Variants in ANTXR1 observed in about 807,000 individuals in gnomAD.
The protein encoded by ANTXR1 is ANTXR cell adhesion molecule 1.
In ANTXR1, 19 loss-of-function variants were observed where a neutral mutation model predicts 78.1. That is an observed-to-expected ratio of 0.24 (90% CI 0.17 to 0.36). ANTXR1 has a LOEUF of 0.36. Ranked by LOEUF, ANTXR1 falls within the 10% of genes least tolerant of loss-of-function variation. The probability of loss-of-function intolerance (pLI) is 1.00; values close to 1 mark genes in which losing one functional copy is unlikely to be tolerated. For missense variants in ANTXR1, 518 were observed against 718.6 expected (o/e 0.72, Z 3.19); for synonymous variants, 273 against 260.5 (o/e 1.05, Z -0.46).
chr2:69,152,885 A>G (rs1673434987), intron 13 of ANTXR1, among the ~76,000 whole-genome samples: 1 of 152,178 alleles, frequency 6.6e-6, no homozygotes, highest in African/African-American at 2.4e-5. Flanking sequence ...TCATCACATG[A>G]CAATGTCTCC....
chr2:69,210,793 A>G (rs76537471), intron 17 of ANTXR1, among the ~76,000 whole-genome samples: 1,822 of 152,220 alleles, frequency 0.012, 40 homozygotes, highest in East Asian at 0.097. Flanking sequence ...AAAATTAGCC[A>G]GGTATGGTGG....
chr2:69,156,452 C>CT (rs1450580423), intron 13 of ANTXR1, among the ~76,000 whole-genome samples: 2 of 152,176 alleles, frequency 1.3e-5, no homozygotes, highest in African/African-American at 4.8e-5. Flanking sequence ...CACCTTCATC[C>CT]TTTAAAAAAT....
chr2:69,142,642 C>G (rs550765348), intron 12 of ANTXR1, among the ~76,000 whole-genome samples: 5 of 152,024 alleles, frequency 3.3e-5, no homozygotes, highest in African/African-American at 1.2e-4. Flanking sequence ...GGTAGGTGTT[C>G]AATAAATATG....
chr2:69,029,642 CA>C (rs1262650769), intron 1 of ANTXR1, among the ~76,000 whole-genome samples: 1 of 151,512 alleles, frequency 6.6e-6, no homozygotes, highest in Non-Finnish European at 1.5e-5. Flanking sequence ...TTAAATGTTC[CA>C]AAAAAGCTCA....
intron 3 of ANTXR1, among the ~76,000 whole-genome samples, chr2:69,068,760 G>T (rs2104198583): frequency 6.6e-6 from 1 of 152,318 alleles, no homozygotes; most frequent in South Asian, 2.1e-4. Flanking sequence ...TATGGAGAAA[G>T]AATGGAAAAG....
chr2:69,100,810 A>G (rs987927358), intron 9 of ANTXR1, among the ~76,000 whole-genome samples: 1 of 152,248 alleles, frequency 6.6e-6, no homozygotes, highest in Non-Finnish European at 1.5e-5. Context: ...CTTGACACGT[A>G]CTAAATTGCT....
rs1484625520 is a variant in ANTXR1 at position 69,245,289 on chromosome 2, C to A, written c.1499C>A (p.Ala500Asp). The A allele has an allele frequency of 1.2e-6, 2 of 1,613,570 alleles. No homozygotes were observed. Among genetic ancestry groups the A allele is most frequent in the South Asian group, 2.2e-5 (2 of 91,014 alleles). Residue 500 changes from alanine to aspartate, a missense_variant, in exon 18 of 18, where the codon GCC becomes GAC. By Grantham distance (126) the Ala-to-Asp change is moderately radical. This residue lies in a region of ANTXR1 where 192 missense variants were observed against 230.2 expected (regional missense o/e 0.83). Transcript: ENST00000303714. ...NQPAKYPLNN[A>D]YHTSSPPPAP... ...CCAGCCAAGTACCCACTCAACAACG[C>A]CTACCACACCTCCTCGCCGCCTCCT...
rs540379392 is a variant in ANTXR1 at position 69,246,279 on chromosome 2, T to C, written c.*794T>C. The C allele has an allele frequency of 1.4e-4, 21 of 152,328 alleles. No homozygotes were observed. The highest frequency in any genetic ancestry group is 4.3e-4 in the African/African-American group (18 of 41,576). The allele number at this position is 152,328 out of a possible 1,614,324, so 9.4% of individuals were successfully genotyped here. A position where few individuals can be genotyped will look rare whatever the true frequency, so the allele number is the denominator to read the frequency against. ...AGAGGTGGCTGGCTTTGGCCAGACA[T>C]GGACCCTAAATCAACAGACAATGGC... On this transcript the variant is annotated 3_prime_UTR_variant, in exon 18 of 18. Coordinates refer to ENST00000303714, the MANE Select transcript of ANTXR1 (RefSeq NM_032208.3).
At chr2:69,127,871 G>C (rs1021794455) in intron 12 of ANTXR1, among the ~76,000 whole-genome samples, 4 of 152,130 alleles carry the variant, frequency 2.6e-5, no homozygotes, top group Admixed American at 6.5e-5. Flanking sequence ...AAGACTTAGG[G>C]AGGAGGGGGA....
intron 1 of ANTXR1, among the ~76,000 whole-genome samples, chr2:69,027,785 A>C (rs908060435): frequency 1.3e-5 from 2 of 151,554 alleles, no homozygotes; most frequent in African/African-American, 4.9e-5. Flanking sequence ...GTGGAAGAAT[A>C]ATATATTCAT....
chr2:69,160,949 G>A (rs1673664654), intron 13 of ANTXR1, among the ~76,000 whole-genome samples: 1 of 152,168 alleles, frequency 6.6e-6, no homozygotes, highest in Non-Finnish European at 1.5e-5. Context: ...ATCCTAAGAT[G>A]CAGCCTCTTT....
intron 3 of ANTXR1, among the ~76,000 whole-genome samples, chr2:69,054,906 G>A (rs934289869): frequency 6.6e-6 from 1 of 152,070 alleles, no homozygotes; most frequent in Non-Finnish European, 1.5e-5. Context: ...GTGAGGGAGT[G>A]GGGCATTTGT....
chr2:69,112,264 G>A (rs942370913), intron 10 of ANTXR1, among the ~76,000 whole-genome samples: 3 of 152,114 alleles, frequency 2.0e-5, no homozygotes, highest in Non-Finnish European at 4.4e-5. Flanking sequence ...CAAAGAGGGA[G>A]GAGTTATTTG....
chr2:69,163,191 C>G (rs1427018522), intron 13 of ANTXR1, among the ~76,000 whole-genome samples: 2 of 152,028 alleles, frequency 1.3e-5, no homozygotes, highest in Non-Finnish European at 2.9e-5. Flanking sequence ...GAAGGACATT[C>G]TTAGGGCAAA....
chr2:69,158,892 G>A (rs1489106835), intron 13 of ANTXR1, among the ~76,000 whole-genome samples: 2 of 152,152 alleles, frequency 1.3e-5, no homozygotes, highest in Non-Finnish European at 2.9e-5. Context: ...AGGAGAATCT[G>A]TACCATGAAC....
intron 16 of ANTXR1, among the ~76,000 whole-genome samples, chr2:69,188,790 G>A (rs1167076618): frequency 1.3e-5 from 2 of 152,174 alleles, no homozygotes; most frequent in South Asian, 2.1e-4. Context: ...TAGATAAAGC[G>A]GAGGCAACTC....
intron 12 of ANTXR1, among the ~76,000 whole-genome samples, chr2:69,139,124 C>T (rs1438355908): frequency 6.6e-6 from 1 of 152,198 alleles, no homozygotes; most frequent in Admixed American, 6.5e-5. Flanking sequence ...TTCATACATC[C>T]TCACTCTAAA....
At chr2:69,133,811 G>A (rs1334698057) in intron 12 of ANTXR1, among the ~76,000 whole-genome samples, 12 of 152,204 alleles carry the variant, frequency 7.9e-5, no homozygotes, top group Non-Finnish European at 1.8e-4. Context: ...AATTATAGGT[G>A]ATAGGTCCTT....
intron 10 of ANTXR1, among the ~76,000 whole-genome samples, chr2:69,114,343 A>G (rs1672074806): frequency 6.6e-6 from 1 of 152,206 alleles, no homozygotes; most frequent in Admixed American, 6.5e-5. Context: ...GTGCTGACAA[A>G]CAGTTCTCAA....
Sources: gnomAD v4.1 joint callset for allele counts (sites outside exome capture counted in the v4.1 genomes callset) on GRCh38, gnomAD v4.1.1 for gene constraint, gnomAD v4.1.1 regional missense constraint, MANE v1.5 for transcripts, NCBI Gene and HGNC (gene_info 2026-07-23, HGNC 2026-07-21) for gene names.